The following GRID1 variants were observed in gnomAD, a reference collection of about 807,000 sequenced individuals.
The protein encoded by GRID1 is glutamate receptor ionotropic, delta-1.
In GRID1, 28 loss-of-function variants were observed where a neutral mutation model predicts 98.0. That is an observed-to-expected ratio of 0.29 (90% CI 0.21 to 0.39). GRID1 has a LOEUF of 0.39. GRID1 is among the 10% of genes least tolerant of loss of function. The pLI, the probability that GRID1 is intolerant of heterozygous loss-of-function variation, is 1.00. For missense variants in GRID1, 1,111 were observed against 1,340.5 expected (o/e 0.83, Z 2.67); for synonymous variants, 553 against 538.5 (o/e 1.03, Z -0.37).
At chr10:86,246,194 G>T (rs1846723733) in intron 2 of GRID1, among the ~76,000 whole-genome samples, 1 of 152,226 alleles carries the variant, frequency 6.6e-6, no homozygotes, top group Admixed American at 6.5e-5. Context: ...CTTAGAGCCA[G>T]CCTGGAGGGC....
chr10:86,078,965 G>T (rs1469768366), intron 4 of GRID1, among the ~76,000 whole-genome samples: 2 of 151,782 alleles, frequency 1.3e-5, no homozygotes, highest in Non-Finnish European at 2.9e-5. Flanking sequence ...CCTTAAGGGG[G>T]CTCAACAGGC....
chr10:85,647,218 G>A lies in GRID1; in HGVS notation c.2177C>T (p.Ser726Leu). 3 of 1,614,156 alleles carry A rather than the reference G, an allele frequency of 1.9e-6. No homozygotes were observed. Among genetic ancestry groups the A allele is most frequent in the Non-Finnish European group, 2.5e-6 (3 of 1,179,956 alleles). ...CCTGCCTACCTTCCTGATGCCTTCTGAAGGACTGGACACGCAGTTGTCAGC... is the reference window on the plus strand; with the variant it reads ...CCTGCCTACCTTCCTGATGCCTTCTAAAGGACTGGACACGCAGTTGTCAGC... ...GGADNCVSSP[S>L]EGIRKAKKGN... The change falls in exon 13 of 16, where the codon TCA (serine) becomes TTA (leucine). Residue 726 changes from serine to leucine, a missense_variant. Coordinates refer to ENST00000327946, the MANE Select transcript of GRID1 (RefSeq NM_017551.3).
chr10:86,346,786 C>G (rs1848389618), intron 2 of GRID1, among the ~76,000 whole-genome samples: 2 of 152,194 alleles, frequency 1.3e-5, no homozygotes, highest in Admixed American at 6.5e-5. Flanking sequence ...TCCTCCTTGT[C>G]CCTTGGAACC....
chr10:86,092,753 T>A (rs1844167461), intron 4 of GRID1, among the ~76,000 whole-genome samples: 1 of 152,102 alleles, frequency 6.6e-6, no homozygotes. Context: ...CTAATAGACC[T>A]AAGAAATGAG....
chr10:85,729,712 G>C (rs1841802319), intron 8 of GRID1, 98 bp from the exon 9 acceptor site: 2 of 703,468 alleles, frequency 2.8e-6, no homozygotes, highest in Non-Finnish European at 5.0e-6. Context: ...TAGGCAGGTA[G>C]GTGAACAGTA....
At chr10:86,295,833 G>A (rs985464861) in intron 2 of GRID1, among the ~76,000 whole-genome samples, 9 of 152,160 alleles carry the variant, frequency 5.9e-5, no homozygotes, top group Non-Finnish European at 1.2e-4. Flanking sequence ...ACCAATGATG[G>A]GTAAACTTCG....
chr10:85,835,540 C>A (rs1179768617), intron 8 of GRID1, among the ~76,000 whole-genome samples: 1 of 152,186 alleles, frequency 6.6e-6, no homozygotes, highest in Admixed American at 6.5e-5. Context: ...TCCTCCTTTG[C>A]CTTCCATCAT....
At position 85,839,833 on chromosome 10, in the gene GRID1, A is replaced by AAAAAT. The variant is rs543697692; in HGVS notation, c.1233+14658_1233+14662dup. Among the ~76,000 whole-genome samples the AAAAAT allele has an allele frequency of 5.7e-3, 862 of 152,282 alleles. 7 individuals are homozygous for AAAAAT. The highest frequency in any genetic ancestry group is 0.019 in the African/African-American group (810 of 41,544). ...TGAATCCAGGAGCTGGTTTTGTGAA[A>AAAAAT]AAAATAAAATAAAATAGATAGACTG... On this transcript the variant is annotated intron_variant, in intron 8 of 15. Transcript: ENST00000327946.
intron 4 of GRID1, among the ~76,000 whole-genome samples, chr10:86,125,034 C>T (rs1844732616): frequency 6.6e-6 from 1 of 152,202 alleles, no homozygotes; most frequent in Non-Finnish European, 1.5e-5. Context: ...GCAAGTGAGA[C>T]ATGGTTTTAG....
chr10:86,113,957 G>A (rs984558831), intron 4 of GRID1, among the ~76,000 whole-genome samples: 2 of 152,178 alleles, frequency 1.3e-5, no homozygotes, highest in African/African-American at 4.8e-5. Flanking sequence ...AATCGATGGT[G>A]AGTTCCCCAT....
chr10:86,268,040 C>T (rs1225138524), intron 2 of GRID1, among the ~76,000 whole-genome samples: 1 of 152,188 alleles, frequency 6.6e-6, no homozygotes, highest in Non-Finnish European at 1.5e-5. Flanking sequence ...TACCCGGAGG[C>T]AAACCTTTCC....
intron 1 of GRID1, among the ~76,000 whole-genome samples, chr10:86,364,821 C>G (rs1439042389): frequency 6.6e-6 from 1 of 152,236 alleles, no homozygotes; most frequent in Non-Finnish European, 1.5e-5. Flanking sequence ...GCTGGGGGTC[C>G]CAGAAGGAGC....
chr10:85,771,830 G>T (rs1226093517), intron 8 of GRID1, among the ~76,000 whole-genome samples: 3 of 152,222 alleles, frequency 2.0e-5, no homozygotes, highest in East Asian at 3.9e-4. Flanking sequence ...AGCAAGTCCT[G>T]AGTGACCTAC....
intron 2 of GRID1, among the ~76,000 whole-genome samples, chr10:86,338,270 CCAAT>C (rs57931025): frequency 0.2 from 30,918 of 151,808 alleles, 4,112 homozygotes; most frequent in East Asian, 0.48. Flanking sequence ...CCAGGGTGGG[CCAAT>C]CAGAGTCCTC....
intron 12 of GRID1, among the ~76,000 whole-genome samples, chr10:85,694,929 C>A (rs1157209020): frequency 6.6e-6 from 1 of 151,828 alleles, no homozygotes; most frequent in African/African-American, 2.4e-5. Context: ...AGCCATGTAA[C>A]AAAGCTGCAC....
At chr10:85,775,675 C>T (rs930166546) in intron 8 of GRID1, among the ~76,000 whole-genome samples, 29 of 152,088 alleles carry the variant, frequency 1.9e-4, no homozygotes, top group East Asian at 1.7e-3. Context: ...CACCTATACC[C>T]CCCGAATCTA....
intron 8 of GRID1, among the ~76,000 whole-genome samples, chr10:85,853,734 T>C (rs954336817): frequency 3.3e-5 from 5 of 152,224 alleles, no homozygotes; most frequent in Non-Finnish European, 7.3e-5. Flanking sequence ...ACTTGGATAA[T>C]TGTTCTAAGC....
rs189639549 is a variant in GRID1 at position 85,805,706 on chromosome 10, C to A, written c.1233+48790G>T. On this transcript the variant is annotated intron_variant, in intron 8 of 15. Transcript: ENST00000327946. ...ATATACATGCTGAATGCATTTTCAA[C>A]AAAGATCCCAAAGTAATAAATTAGG... is the stretch of plus-strand genomic sequence containing the variant. Among the ~76,000 whole-genome samples the A allele has an allele frequency of 2.6e-4, 39 of 151,894 alleles. No homozygotes were observed. The East Asian group carries it at 5.6e-3, about 22-fold the overall frequency.
intron 4 of GRID1, among the ~76,000 whole-genome samples, chr10:86,078,631 G>C (rs962354372): frequency 5.9e-5 from 9 of 152,236 alleles, no homozygotes; most frequent in Admixed American, 5.9e-4. Flanking sequence ...TTGATAATGG[G>C]AACACACAGC....
Sources: allele counts gnomAD v4.1 joint callset (sites outside exome capture counted in the v4.1 genomes callset), GRCh38; gene constraint gnomAD v4.1.1; transcripts MANE v1.5; gene names NCBI Gene and HGNC (gene_info 2026-07-23, HGNC 2026-07-21).